RYR3: variants seen among roughly 807,000 people sequenced by gnomAD.
RYR3 encodes the protein brain ryanodine receptor-calcium release channel.
A neutral mutation model predicts 584.3 loss-of-function variants in RYR3; 207 were observed. The ratio of observed to expected loss-of-function variants is 0.35; its 90% confidence interval spans 0.32 to 0.40. The LOEUF is 0.40. Ranked by LOEUF, RYR3 falls within the 10% of genes least tolerant of loss-of-function variation. The probability of loss-of-function intolerance (pLI) is 1.00; values close to 1 mark genes in which losing one functional copy is unlikely to be tolerated. For missense variants in RYR3, 5,616 were observed against 6,089.2 expected, an observed-to-expected ratio of 0.92 and a Z score of 2.59; for synonymous variants, 2,416 against 2,248.5, an observed-to-expected ratio of 1.07 and a Z score of -2.11.
chr15:33,707,167 G>A, intron 43 of RYR3, 113 bp downstream of exon 43: 1 of 1,260,512 alleles, frequency 7.9e-7, no homozygotes, highest in East Asian at 2.4e-5. Flanking sequence ...GGGGGTTGGT[G>A]GCTGGCAAGA....
chr15:33,669,513 T>C (rs1190741964), intron 37 of RYR3, 57 bp downstream of exon 37: 8 of 1,472,372 alleles, frequency 5.4e-6, no homozygotes, highest in Middle Eastern at 1.7e-4. Flanking sequence ...CTGTTTTTGA[T>C]TCCTTCATTA....
At chr15:33,640,562 G>C (rs903128210) in intron 27 of RYR3, among the ~76,000 whole-genome samples, 8 of 152,140 alleles carry the variant, frequency 5.3e-5, no homozygotes, top group African/African-American at 1.7e-4. Context: ...AAGTGGATCT[G>C]TCCTTTGGAT....
chr15:33,512,468 T>A (rs1331436352), intron 3 of RYR3, among the ~76,000 whole-genome samples: 1 of 152,228 alleles, frequency 6.6e-6, no homozygotes, highest in Non-Finnish European at 1.5e-5. Context: ...CTCCAGACTC[T>A]CTCAAATCCC....
chr15:33,641,029 G>C (rs1206353467), intron 27 of RYR3, among the ~76,000 whole-genome samples: 1 of 152,182 alleles, frequency 6.6e-6, no homozygotes, highest in Non-Finnish European at 1.5e-5. Flanking sequence ...CATGTGGTGA[G>C]CTGTGTACAG....
Position 33,662,517 on chromosome 15 carries a change from C to A in RYR3, c.4987C>A (p.Pro1663Thr). ...GGTGGGCCTGAGAACATGTCTCAAG[C>A]CCGGGTTCAGGTTCTCCACCCCTTG... ...PGVGLRTCLK[P>T]GFRFSTPCFV... Residue 1663 changes from proline to threonine, a missense_variant, in exon 35 of 104, where the codon CCC becomes ACC. By Grantham distance (38) the Pro-to-Thr change is conservative. Transcript: ENST00000634891. 6.2e-7 allele frequency: 1 copy of A among 1,614,022 alleles called. No individual in the cohort carries two copies. The highest frequency in any genetic ancestry group is 1.7e-5 in the Admixed American group (1 of 60,026).
intron 2 of RYR3, among the ~76,000 whole-genome samples, chr15:33,498,813 T>C (rs978136502): frequency 8.5e-5 from 13 of 152,222 alleles, no homozygotes; most frequent in African/African-American, 2.4e-4. Flanking sequence ...ATTTCCAGTC[T>C]TGCATTTAAG....
rs556350247 is a variant in RYR3, at chr15:33,515,867, A to G, written c.279+12129A>G. Among the ~76,000 whole-genome samples the G allele has an allele frequency of 2.6e-5, 4 of 152,324 alleles. No individual in the cohort carries two copies. In the South Asian group the frequency reaches 8.3e-4, roughly 32 times the overall value. ...AATATATTAACTTCATTTTAATGCT[A>G]TTAACAAACCTTAGTATTTTGCGTA... On this transcript the variant is annotated intron_variant, in intron 3 of 103. Coordinates refer to ENST00000634891, the MANE Select transcript of RYR3 (RefSeq NM_001036.6).
At chr15:33,585,109 G>A (rs753165236) in intron 15 of RYR3, among the ~76,000 whole-genome samples, 18 of 151,912 alleles carry the variant, frequency 1.2e-4, no homozygotes, top group Non-Finnish European at 2.5e-4. Flanking sequence ...CGCCCCTCAA[G>A]GGGAAGCTGA....
At chr15:33,565,706 T>C (rs2057678528) in intron 11 of RYR3, among the ~76,000 whole-genome samples, 1 of 152,156 alleles carries the variant, frequency 6.6e-6, no homozygotes, top group Non-Finnish European at 1.5e-5. Flanking sequence ...GACCTTGACT[T>C]GAACCAGGAT....
rs1194583310 is a variant in RYR3 at position 33,859,875 on chromosome 15, A to G, written c.14299+144A>G. 58 of 910,386 alleles carry G rather than the reference A, an allele frequency of 6.4e-5. No individual in the cohort carries two copies. The Admixed American group carries it at 9.2e-4, about 14-fold the overall frequency. The allele number at this position is 910,386 out of a possible 1,614,324, so 56.4% of individuals were successfully genotyped here. ...AGCAAGAACTAATTTAGCATCTACT[A>G]TACCTGAGGCTTTGGCTATATATAA... On this transcript the variant is annotated intron_variant, in intron 100 of 103. Transcript: ENST00000634891.
intron 12 of RYR3, among the ~76,000 whole-genome samples, chr15:33,568,705 A>T (rs141877455): frequency 6.6e-6 from 1 of 152,204 alleles, no homozygotes; most frequent in Admixed American, 6.5e-5. Context: ...TGTTGGCATT[A>T]TAGGCATGAG....
At chr15:33,423,717 T>G (rs898019027) in intron 1 of RYR3, among the ~76,000 whole-genome samples, 1 of 152,182 alleles carries the variant, frequency 6.6e-6, no homozygotes, top group Non-Finnish European at 1.5e-5. Flanking sequence ...CTCATTGTGC[T>G]CTTATGCACC....
chr15:33,640,498 C>T (rs920356776), intron 27 of RYR3, among the ~76,000 whole-genome samples: 6 of 152,164 alleles, frequency 3.9e-5, no homozygotes, highest in Non-Finnish European at 1.5e-5. Flanking sequence ...GTCAGCTTTT[C>T]CCTTGCTGGT....
At chr15:33,346,155 G>A (rs1972436608) in intron 1 of RYR3, among the ~76,000 whole-genome samples, 1 of 152,172 alleles carries the variant, frequency 6.6e-6, no homozygotes, top group African/African-American at 2.4e-5. Flanking sequence ...GCAAAATAGA[G>A]GTGACAGGTG....
intron 16 of RYR3, among the ~76,000 whole-genome samples, chr15:33,595,773 A>G (rs1401068241): frequency 1.3e-5 from 2 of 152,186 alleles, no homozygotes; most frequent in Non-Finnish European, 2.9e-5. Context: ...AGAACTTTAA[A>G]AGCACATACA....
chr15:33,475,533 C>G (rs1269121630), intron 2 of RYR3, among the ~76,000 whole-genome samples: 3 of 152,184 alleles, frequency 2.0e-5, no homozygotes, highest in African/African-American at 7.2e-5. Context: ...TGACAGGAGG[C>G]AAAGCTCAGG....
chr15:33,419,268 G>A (rs571378816), intron 1 of RYR3, among the ~76,000 whole-genome samples: 8 of 152,252 alleles, frequency 5.3e-5, no homozygotes, highest in South Asian at 2.1e-4. Flanking sequence ...CCTCAGTTCT[G>A]CCTCTTTTAG....
rs376949806 is a variant in RYR3, at chr15:33,503,311, G to A, written c.172-320G>A. 7.9e-5 allele frequency among the ~76,000 whole-genome samples: 12 copies of A among 152,242 alleles called. No individual in the cohort carries two copies. The South Asian group carries it at 1.5e-3, about 18-fold the overall frequency. On this transcript the variant is annotated intron_variant, in intron 2 of 103. Coordinates refer to ENST00000634891, the MANE Select transcript of RYR3 (RefSeq NM_001036.6). ...TTTCTTTCTCTGGTCTCACCCAGAC[G>A]TGGCTGTAGATCAGCCTTCCCTTCC...
intron 10 of RYR3, among the ~76,000 whole-genome samples, chr15:33,559,144 A>G (rs2057267986): frequency 6.6e-6 from 1 of 152,084 alleles, no homozygotes. Flanking sequence ...ATAAAAGGTG[A>G]GTCTTGGGTT....
Sources: gnomAD v4.1 joint callset for allele counts (sites outside exome capture counted in the v4.1 genomes callset) on GRCh38, gnomAD v4.1.1 for gene constraint, MANE v1.5 for transcripts, NCBI Gene and HGNC (gene_info 2026-07-23, HGNC 2026-07-21) for gene names.